DOK5: variants seen among roughly 807,000 people sequenced by gnomAD.
DOK5 encodes downstream of tyrosine kinase 5.
DOK5 carries 27 observed loss-of-function variants against 43.3 expected under a neutral mutation model. The ratio of observed to expected loss-of-function variants is 0.62; its 90% CI spans 0.46 to 0.86. The LOEUF is 0.86. DOK5 is among the 40% of genes least tolerant of loss of function. DOK5 has a pLI of 0.00. For synonymous variants in DOK5, 146 were observed against 140.1 expected, an observed-to-expected ratio of 1.04 and a Z score of -0.30; for missense variants, 373 against 392.9, an observed-to-expected ratio of 0.95 and a Z score of 0.43.
At chr20:54,533,917 G>A (rs1459942591) in intron 1 of DOK5, among the ~76,000 whole-genome samples, 1 of 152,052 alleles carries the variant, frequency 6.6e-6, no homozygotes. Flanking sequence ...ATTTTTTTCA[G>A]CTAGCAGTAT....
At chr20:54,486,844 AT>A (rs1388030989) in intron 1 of DOK5, among the ~76,000 whole-genome samples, 1 of 152,024 alleles carries the variant, frequency 6.6e-6, no homozygotes, top group Admixed American at 6.6e-5. Context: ...TTTATTTTTT[AT>A]TGGTAAGAGG....
intron 2 of DOK5, among the ~76,000 whole-genome samples, chr20:54,562,765 G>A (rs964371609): frequency 1.3e-5 from 2 of 151,636 alleles, no homozygotes; most frequent in Admixed American, 1.3e-4. Context: ...AAAACATACA[G>A]AAGGTTAAAA....
Position 54,475,872 on chromosome 20 carries a change from C to A in DOK5, c.-75C>A. Reference sequence around the variant, plus strand: ...TTCTCCCACCGACTGCTTGTCTTGACCCTGCCCTCCACCCTCCCCAGAGCC... The same window carrying A: ...TTCTCCCACCGACTGCTTGTCTTGAACCTGCCCTCCACCCTCCCCAGAGCC... On this transcript the variant is annotated 5_prime_UTR_variant, in exon 1 of 8. Transcript: ENST00000262593. The surrounding 1 kb of genome is among the most constrained non-coding windows in gnomAD (Gnocchi z 4.2). 3.8e-6 allele frequency: 6 copies of A among 1,575,792 alleles called. No individual in the cohort carries two copies. The highest frequency in any genetic ancestry group is 5.2e-6 in the Non-Finnish European group (6 of 1,155,714).
At position 54,502,510 on chromosome 20, in the gene DOK5, C is replaced by A. The variant is rs549706346; in HGVS notation, c.66+26498C>A. ...TTCAAAAGGGTATACAGGAAAGATT[C>A]TCTCACCCGTCTACCCAGAGCCACC... On this transcript the variant is annotated intron_variant, in intron 1 of 7. Coordinates refer to ENST00000262593, the MANE Select transcript of DOK5 (RefSeq NM_018431.5). Among the ~76,000 whole-genome samples, 68 of 152,254 alleles carry A rather than the reference C, an allele frequency of 4.5e-4. 1 individual carries two copies. The South Asian group carries it at 0.013, about 30-fold the overall frequency.
intron 6 of DOK5, among the ~76,000 whole-genome samples, chr20:54,619,587 G>A (rs1156247969): frequency 6.6e-6 from 1 of 152,194 alleles, no homozygotes; most frequent in Non-Finnish European, 1.5e-5. Flanking sequence ...GGGACGTTCA[G>A]GCCCCTGGGT....
At chr20:54,514,098 A>G (rs73911922) in intron 1 of DOK5, among the ~76,000 whole-genome samples, 3,621 of 152,242 alleles carry the variant, frequency 0.024, 136 homozygotes, top group African/African-American at 0.082. Flanking sequence ...TTGGATTCTG[A>G]TTTCTTGACA....
At chr20:54,600,758 T>C (rs914876589) in intron 5 of DOK5, among the ~76,000 whole-genome samples, 3 of 152,216 alleles carry the variant, frequency 2.0e-5, no homozygotes, top group African/African-American at 7.2e-5. Context: ...TCACATGACC[T>C]GAAGCCGTTA....
intron 1 of DOK5, among the ~76,000 whole-genome samples, chr20:54,546,237 T>C (rs1984339122): frequency 6.6e-6 from 1 of 152,170 alleles, no homozygotes; most frequent in Non-Finnish European, 1.5e-5. Context: ...TATAAAAGGC[T>C]CAGCATTCCA....
Position 54,650,846 on chromosome 20 carries a change from A to G in DOK5, c.*367A>G, listed in dbSNP as rs1018222638. The G allele has an allele frequency of 4.6e-5, 8 of 174,962 alleles. No individual in the cohort carries two copies. Among genetic ancestry groups the G allele is most frequent in the Non-Finnish European group, 9.6e-5 (8 of 83,320 alleles). The allele number at this position is 174,962 out of a possible 1,614,324, so 10.8% of individuals were successfully genotyped here. On this transcript the variant is annotated 3_prime_UTR_variant, in exon 8 of 8. Coordinates refer to ENST00000262593, the MANE Select transcript of DOK5 (RefSeq NM_018431.5). ...TTTTCCTTCCAAGTGTTTCAGTTGT[A>G]TGACAGTCAGTATTGACAATAAAAT...
chr20:54,596,379 A>G (rs765231455), intron 5 of DOK5, among the ~76,000 whole-genome samples: 7 of 152,094 alleles, frequency 4.6e-5, no homozygotes, highest in Non-Finnish European at 8.8e-5. Context: ...ACTTAACAAT[A>G]TCCTCTAGAA....
intron 1 of DOK5, among the ~76,000 whole-genome samples, chr20:54,547,372 C>A (rs1169121619): frequency 6.6e-6 from 1 of 152,130 alleles, no homozygotes; most frequent in Non-Finnish European, 1.5e-5. Context: ...AATTTTGTGA[C>A]CAAAATTTGC....
At chr20:54,626,675 T>C (rs186485068) in intron 6 of DOK5, among the ~76,000 whole-genome samples, 1 of 152,304 alleles carries the variant, frequency 6.6e-6, no homozygotes, top group Admixed American at 6.5e-5. Flanking sequence ...CATCTACATA[T>C]ATACATAGAC....
At chr20:54,637,591 C>A (rs1978883254) in intron 6 of DOK5, among the ~76,000 whole-genome samples, 1 of 152,364 alleles carries the variant, frequency 6.6e-6, no homozygotes, top group South Asian at 2.1e-4. Flanking sequence ...TGCCACGTTC[C>A]CCACAGTCAG....
At chr20:54,607,609 G>A (rs539379944) in intron 5 of DOK5, among the ~76,000 whole-genome samples, 28 of 150,642 alleles carry the variant, frequency 1.9e-4, no homozygotes, top group African/African-American at 6.1e-4. Context: ...ATTGGGGGCC[G>A]GGTGCAGTGA....
intron 1 of DOK5, among the ~76,000 whole-genome samples, chr20:54,487,427 T>A (rs796199812): frequency 1.9e-4 from 29 of 152,258 alleles, no homozygotes; most frequent in African/African-American, 5.8e-4. Context: ...GTGCTTCCTC[T>A]TTAAATAAAG....
At chr20:54,492,095 TTTTAA>T (rs1341044630) in intron 1 of DOK5, among the ~76,000 whole-genome samples, 2 of 151,882 alleles carry the variant, frequency 1.3e-5, no homozygotes, top group African/African-American at 2.4e-5. Context: ...ATATAAATTC[TTTTAA>T]TTTAACCAGT....
At chr20:54,565,219 C>A (rs549389683) in intron 2 of DOK5, among the ~76,000 whole-genome samples, 1 of 152,100 alleles carries the variant, frequency 6.6e-6, no homozygotes, top group Non-Finnish European at 1.5e-5. Flanking sequence ...TCCATACATA[C>A]CTATGATAAA....
chr20:54,535,483 A>G (rs1983931455), intron 1 of DOK5, among the ~76,000 whole-genome samples: 1 of 152,106 alleles, frequency 6.6e-6, no homozygotes, highest in South Asian at 2.1e-4. Flanking sequence ...ACAGTGATTC[A>G]ATTTCAGAAC....
intron 1 of DOK5, among the ~76,000 whole-genome samples, chr20:54,500,852 G>A (rs1342704749): frequency 2.6e-5 from 4 of 151,926 alleles, no homozygotes; most frequent in East Asian, 1.9e-4. Flanking sequence ...TGAGCCAACC[G>A]CACCCGGCCG....
Sources: allele counts gnomAD v4.1 joint callset (sites outside exome capture counted in the v4.1 genomes callset), GRCh38; gene constraint gnomAD v4.1.1; non-coding constraint Gnocchi (gnomAD v3.1); transcripts MANE v1.5; gene names NCBI Gene and HGNC (gene_info 2026-07-23, HGNC 2026-07-21).